DENND1B: variants seen among roughly 807,000 people sequenced by gnomAD.
The protein encoded by DENND1B is DENN domain containing 1B.
Under a neutral mutation model 90.1 loss-of-function variants are expected in DENND1B, and 59 were observed. That is an observed-to-expected ratio of 0.65 (90% CI 0.53 to 0.81). The LOEUF (loss-of-function observed/expected upper bound fraction) is 0.81. DENND1B is among the 40% of genes least tolerant of loss of function. The probability of loss-of-function intolerance (pLI) is 0.00; values close to 1 mark genes in which losing one functional copy is unlikely to be tolerated. For missense variants in DENND1B, 862 were observed against 912.6 expected, an observed-to-expected ratio of 0.94 and a Z score of 0.71; for synonymous variants, 337 against 324.6, an observed-to-expected ratio of 1.04 and a Z score of -0.41.
chr1:197,596,248 A>G (rs1675678410), intron 13 of DENND1B, among the ~76,000 whole-genome samples: 1 of 152,088 alleles, frequency 6.6e-6, no homozygotes, highest in Admixed American at 6.6e-5. Flanking sequence ...TAGAAAATGC[A>G]TATTATTTAT....
At chr1:197,545,015 ACG>A (rs1228849458) in intron 18 of DENND1B, among the ~76,000 whole-genome samples, 467 of 28,094 alleles carry the variant, frequency 0.017, 8 homozygotes, top group African/African-American at 0.052. Flanking sequence ...GACGACGACG[ACG>A]ACGAAAGAAG....
At chr1:197,579,782 T>G (rs1013185074) in intron 15 of DENND1B, among the ~76,000 whole-genome samples, 5 of 152,210 alleles carry the variant, frequency 3.3e-5, no homozygotes. Flanking sequence ...CTCTCTTCAC[T>G]TAGATTTGAT....
intron 4 of DENND1B, 150 bp from the exon 5 acceptor site, chr1:197,672,306 G>A (rs956849165): frequency 3.1e-6 from 3 of 963,426 alleles, no homozygotes; most frequent in South Asian, 1.9e-5. Flanking sequence ...AAAACTAGAG[G>A]AAGTGTGAAA....
intron 5 of DENND1B, among the ~76,000 whole-genome samples, chr1:197,667,410 C>T (rs951062451): frequency 1.3e-5 from 2 of 152,048 alleles, no homozygotes; most frequent in Non-Finnish European, 2.9e-5. Context: ...CTGTCCCATT[C>T]CCATTCTTTT....
intron 13 of DENND1B, among the ~76,000 whole-genome samples, chr1:197,604,579 A>G (rs1361142502): frequency 6.6e-6 from 1 of 151,294 alleles, no homozygotes; most frequent in African/African-American, 2.4e-5. Context: ...GTACACATGC[A>G]TAGAAAGTCA....
At chr1:197,626,269 G>A (rs925787886) in intron 10 of DENND1B, among the ~76,000 whole-genome samples, 16 of 152,006 alleles carry the variant, frequency 1.1e-4, no homozygotes, top group Admixed American at 2.0e-4. Context: ...CACATAGTTG[G>A]AAGTAAAGCT....
chr1:197,574,322 G>T (rs182551352), intron 15 of DENND1B, among the ~76,000 whole-genome samples: 5 of 152,246 alleles, frequency 3.3e-5, no homozygotes, highest in Non-Finnish European at 5.9e-5. Context: ...GCCAAATCAT[G>T]AGTGAACTCC....
intron 20 of DENND1B, among the ~76,000 whole-genome samples, chr1:197,516,709 A>G (rs753162416): frequency 5.3e-5 from 8 of 151,742 alleles, no homozygotes; most frequent in Non-Finnish European, 1.0e-4. Context: ...CATATTGTGT[A>G]TTCTTAAGGG....
intron 12 of DENND1B, among the ~76,000 whole-genome samples, chr1:197,611,531 T>C (rs1677180884): frequency 6.6e-6 from 1 of 150,724 alleles, no homozygotes; most frequent in Non-Finnish European, 1.5e-5. Flanking sequence ...GGGAACATAA[T>C]GAAGTCTGCA....
intron 10 of DENND1B, among the ~76,000 whole-genome samples, chr1:197,622,305 C>T (rs528324040): frequency 4.6e-5 from 7 of 151,510 alleles, no homozygotes; most frequent in African/African-American, 1.7e-4. Flanking sequence ...ATTACTTCTA[C>T]TTATCAGATC....
chr1:197,562,142 T>C lies in DENND1B; in HGVS notation c.1150-9030A>G, dbSNP rs1485638171. 2.0e-5 allele frequency among the ~76,000 whole-genome samples: 3 copies of C among 152,060 alleles called. No individual in the cohort carries two copies. In the East Asian group the frequency reaches 5.8e-4, roughly 29 times the overall value. On this transcript the variant is annotated intron_variant, in intron 15 of 22. Coordinates refer to ENST00000620048, the MANE Select transcript of DENND1B (RefSeq NM_001195215.2). ...CCATAGTACTTCTGATCTTTGAAGA[T>C]CAACATTAGTTTTAAATTATAATTT...
chr1:197,581,693 A>G (rs1157036715), intron 15 of DENND1B, among the ~76,000 whole-genome samples: 1 of 152,212 alleles, frequency 6.6e-6, no homozygotes, highest in Non-Finnish European at 1.5e-5. Flanking sequence ...ACTATGCAAA[A>G]AAATTACTGT....
chr1:197,684,476 C>A (rs1572320943), intron 3 of DENND1B, among the ~76,000 whole-genome samples: 1 of 152,074 alleles, frequency 6.6e-6, no homozygotes, highest in Middle Eastern at 3.4e-3. Flanking sequence ...TGTATATTAT[C>A]CATATATATG....
rs559506620 is a variant in DENND1B at position 197,543,350 on chromosome 1, A to T, written c.1351-2335T>A. 3.3e-5 allele frequency among the ~76,000 whole-genome samples: 5 copies of T among 152,306 alleles called. 1 individual carries two copies. The South Asian group carries it at 1.0e-3, about 32-fold the overall frequency. On this transcript the variant is annotated intron_variant, in intron 18 of 22. Coordinates refer to ENST00000620048, the MANE Select transcript of DENND1B (RefSeq NM_001195215.2). ...TAAAATAATGAATAGGGTTTTGAACATGTTTGCTTCATTGCTGCGCTTTTG... is the reference window on the plus strand; with the variant it reads ...TAAAATAATGAATAGGGTTTTGAACTTGTTTGCTTCATTGCTGCGCTTTTG...
Position 197,697,224 on chromosome 1 carries a change from T to C in DENND1B, c.126+17807A>G, listed in dbSNP as rs560250590. Among the ~76,000 whole-genome samples the C allele has an allele frequency of 4.0e-5, 6 of 151,772 alleles. No homozygotes were observed. The South Asian group carries it at 1.2e-3, about 31-fold the overall frequency. On this transcript the variant is annotated intron_variant, in intron 3 of 22. Coordinates refer to ENST00000620048, the MANE Select transcript of DENND1B (RefSeq NM_001195215.2). The stretch of plus-strand genomic sequence containing the variant: ...ACCTTAACTCCTACAATGAATCCTG[T>C]GAACTATCATGTCACTGATAGCAGG...
chr1:197,690,537 C>T, intron 3 of DENND1B: 1 of 206,636 alleles, frequency 4.8e-6, no homozygotes, highest in South Asian at 9.0e-5. Context: ...TAATATGAGA[C>T]AGACAGTTGC....
At chr1:197,548,187 A>T (rs549552394) in intron 16 of DENND1B, among the ~76,000 whole-genome samples, 1 of 152,268 alleles carries the variant, frequency 6.6e-6, no homozygotes, top group East Asian at 1.9e-4. Context: ...GAATTTAAAA[A>T]AGCTAATTTT....
At chr1:197,775,088 G>A (rs545009757) in intron 1 of DENND1B, 51 bp downstream of exon 1, 405 of 1,201,648 alleles carry the variant, frequency 3.4e-4, no homozygotes, top group Non-Finnish European at 4.1e-4. Flanking sequence ...TGGCCTGGGA[G>A]GGGCCGCCGA....
intron 1 of DENND1B, 125 bp from the exon 2 acceptor site, chr1:197,773,057 C>T (rs1403451532): frequency 3.8e-6 from 3 of 792,368 alleles, no homozygotes; most frequent in Admixed American, 2.1e-5. Context: ...TGTATTACTA[C>T]AGTATAGTAG....
Sources: allele counts gnomAD v4.1 joint callset (sites outside exome capture counted in the v4.1 genomes callset), GRCh38; gene constraint gnomAD v4.1.1; transcripts MANE v1.5; gene names NCBI Gene and HGNC (gene_info 2026-07-23, HGNC 2026-07-21).